The following GALNT13 variants were observed in gnomAD, a reference collection of about 807,000 sequenced individuals.
The protein encoded by GALNT13 is UDP-GalNAc:polypeptide N-acetylgalactosaminyltransferase 13.
A neutral mutation model predicts 64.2 loss-of-function variants in GALNT13; 28 were observed. The ratio of observed to expected loss-of-function variants is 0.44; its 90% CI spans 0.32 to 0.60. The LOEUF (loss-of-function observed/expected upper bound fraction) is 0.60, where lower values mean the gene tolerates loss of function less well. Among genes scored for constraint, GALNT13 ranks in the 20% least tolerant of loss-of-function variants. The pLI, the probability that GALNT13 is intolerant of heterozygous loss-of-function variation, is 0.05. For synonymous variants in GALNT13, 214 were observed against 224.6 expected, an observed-to-expected ratio of 0.95 and a Z score of 0.42; for missense variants, 577 against 669.8, an observed-to-expected ratio of 0.86 and a Z score of 1.53.
At chr2:153,655,315 A>G in the GALNT13 span, among the ~76,000 whole-genome samples, 1 of 152,138 alleles carries the variant, frequency 6.6e-6, no homozygotes, top group African/African-American at 2.4e-5. Flanking sequence ...CATCATTTTT[A>G]AAAATGTCTG....
chr2:154,387,991 C>T (rs35750753), intron 9 of GALNT13, among the ~76,000 whole-genome samples: 1 of 152,064 alleles, frequency 6.6e-6, no homozygotes, highest in African/African-American at 2.4e-5. Flanking sequence ...TACAAGGAAG[C>T]TCCATACCAC....
At chr2:154,241,099 A>C (rs530553239) in intron 4 of GALNT13, among the ~76,000 whole-genome samples, 160 of 151,746 alleles carry the variant, frequency 1.1e-3, no homozygotes, top group Non-Finnish European at 8.2e-4. Flanking sequence ...TGTCTGTTTC[A>C]TCCAGCTGTC....
At chr2:153,859,715 C>A in the GALNT13 span, among the ~76,000 whole-genome samples, 2 of 152,182 alleles carry the variant, frequency 1.3e-5, no homozygotes, top group East Asian at 1.9e-4. Context: ...AAATTGGAGA[C>A]AACTTTCTAG....
intron 7 of GALNT13, among the ~76,000 whole-genome samples, chr2:154,247,523 A>C (rs751693693): frequency 6.6e-6 from 1 of 152,080 alleles, no homozygotes; most frequent in Non-Finnish European, 1.5e-5. Context: ...GGCAAAAAAC[A>C]TGCTTTATTT....
At chr2:153,828,175 A>G in the GALNT13 span, among the ~76,000 whole-genome samples, 1 of 152,210 alleles carries the variant, frequency 6.6e-6, no homozygotes, top group African/African-American at 2.4e-5. Flanking sequence ...ACGCAGTGCA[A>G]GCTCTCAGTG....
intron 2 of GALNT13, among the ~76,000 whole-genome samples, chr2:153,936,455 T>C (rs540592399): frequency 2.0e-5 from 3 of 152,164 alleles, no homozygotes; most frequent in African/African-American, 7.2e-5. Flanking sequence ...CCAGCAAATA[T>C]GACCCAGTTT....
the GALNT13 span, among the ~76,000 whole-genome samples, chr2:153,157,482 G>A: frequency 1.3e-5 from 2 of 152,008 alleles, no homozygotes; most frequent in Non-Finnish European, 2.9e-5. Flanking sequence ...AACATTTTTT[G>A]TCTTATTAAT....
chr2:154,334,958 CTG>C (rs1695358007), intron 9 of GALNT13, among the ~76,000 whole-genome samples: 1 of 151,988 alleles, frequency 6.6e-6, no homozygotes, highest in Non-Finnish European at 1.5e-5. Context: ...CAGGGACAAA[CTG>C]TGATCCTTCT....
chr2:154,181,855 A>G (rs1685977423), intron 4 of GALNT13, among the ~76,000 whole-genome samples: 1 of 152,052 alleles, frequency 6.6e-6, no homozygotes, highest in African/African-American at 2.4e-5. Context: ...TACAAATGTC[A>G]AAGTCTACTA....
chr2:153,225,201 A>G, the GALNT13 span, among the ~76,000 whole-genome samples: 1 of 152,222 alleles, frequency 6.6e-6, no homozygotes, highest in Non-Finnish European at 1.5e-5. Context: ...ATAATCTTGC[A>G]TATCAATAAA....
the GALNT13 span, among the ~76,000 whole-genome samples, chr2:153,522,416 A>G: frequency 1.3e-5 from 2 of 152,126 alleles, no homozygotes; most frequent in Non-Finnish European, 2.9e-5. Flanking sequence ...ACTTACTCAT[A>G]TGCTAAGAGT....
intron 9 of GALNT13, among the ~76,000 whole-genome samples, chr2:154,314,891 T>C (rs1409922814): frequency 6.6e-6 from 1 of 152,172 alleles, no homozygotes; most frequent in East Asian, 1.9e-4. Context: ...TGGATTCCAA[T>C]GTTGAAACAC....
At chr2:154,157,722 A>T (rs367560501) in intron 4 of GALNT13, among the ~76,000 whole-genome samples, 1 of 152,138 alleles carries the variant, frequency 6.6e-6, no homozygotes, top group African/African-American at 2.4e-5. Flanking sequence ...ATTCCCTGCA[A>T]TTGACTTTTA....
At chr2:153,678,299 G>C in the GALNT13 span, among the ~76,000 whole-genome samples, 1 of 151,758 alleles carries the variant, frequency 6.6e-6, no homozygotes, top group African/African-American at 2.4e-5. Flanking sequence ...CAGTGGAAAA[G>C]TAGATAAATA....
chr2:153,084,480 G>T, the GALNT13 span, among the ~76,000 whole-genome samples: 2 of 152,036 alleles, frequency 1.3e-5, no homozygotes, highest in Admixed American at 6.5e-5. Flanking sequence ...GTCCTGATAT[G>T]GTTGGCTGTG....
chr2:153,200,631 A>T, the GALNT13 span, among the ~76,000 whole-genome samples: 1 of 152,236 alleles, frequency 6.6e-6, no homozygotes, highest in Admixed American at 6.5e-5. Context: ...AGCACAGGAA[A>T]TGCTTGTGGG....
the GALNT13 span, among the ~76,000 whole-genome samples, chr2:153,855,268 A>G: frequency 6.6e-6 from 1 of 152,234 alleles, no homozygotes; most frequent in Admixed American, 6.5e-5. Context: ...ATGGGAGAAC[A>G]TATTTATAAC....
chr2:153,278,093 A>AT, the GALNT13 span, among the ~76,000 whole-genome samples: 773 of 150,232 alleles, frequency 5.1e-3, 5 homozygotes, highest in African/African-American at 0.017. Context: ...CTCCCAGCTA[A>AT]TTTTTTGTAT....
intron 1 of GALNT13, among the ~76,000 whole-genome samples, chr2:153,880,673 T>C (rs1181869379): frequency 6.6e-6 from 1 of 152,178 alleles, no homozygotes. Context: ...TAGGATTATA[T>C]ATCACTTGTC....
Sources: allele counts gnomAD v4.1 joint callset (sites outside exome capture counted in the v4.1 genomes callset), GRCh38; gene constraint gnomAD v4.1.1; transcripts MANE v1.5; gene names NCBI Gene and HGNC (gene_info 2026-07-23, HGNC 2026-07-21).